IQSEC3: variants seen among roughly 807,000 people sequenced by gnomAD.
IQSEC3 encodes the protein IQ motif and Sec7 domain ArfGEF 3.
A neutral mutation model predicts 105.4 loss-of-function variants in IQSEC3; 50 were observed. That is an observed-to-expected ratio of 0.47 (90% CI 0.38 to 0.60). IQSEC3 has a LOEUF of 0.60. Ranked by LOEUF, IQSEC3 falls within the 20% of genes least tolerant of loss-of-function variation. The pLI is 0.00. For synonymous variants in IQSEC3, 708 were observed against 746.0 expected (o/e 0.95, Z 0.83); for missense variants, 1,415 against 1,630.0 (o/e 0.87, Z 2.27).
chr12:164,180 G>T (rs1555097445), intron 9 of IQSEC3, among the ~76,000 whole-genome samples: 1 of 152,214 alleles, frequency 6.6e-6, no homozygotes, highest in African/African-American at 2.4e-5. Context: ...CAGGACTGGA[G>T]CAGGGCTTGT....
chr12:135,390 C>CA (rs1291599164), intron 3 of IQSEC3, among the ~76,000 whole-genome samples: 2 of 152,176 alleles, frequency 1.3e-5, no homozygotes, highest in Non-Finnish European at 2.9e-5. Context: ...GCCTCAGAGG[C>CA]AAGTATCTGT....
chr12:155,280 C>A (rs1866647696), intron 5 of IQSEC3, among the ~76,000 whole-genome samples: 1 of 152,258 alleles, frequency 6.6e-6, no homozygotes, highest in African/African-American at 2.4e-5. Flanking sequence ...GCTGCCGATT[C>A]TCATGCTTGG....
chr12:144,423 G>C (rs1324618546), intron 5 of IQSEC3: 1 of 152,300 alleles, frequency 6.6e-6, no homozygotes, highest in South Asian at 2.1e-4. Flanking sequence ...GTACAAAGCT[G>C]TTTGCCGAAT....
chr12:165,547 A>G lies in IQSEC3; in HGVS notation c.2809+14A>G, dbSNP rs782805449. 6.2e-7 allele frequency: 1 copy of G among 1,608,078 alleles called. No homozygotes were observed. On this transcript the variant is annotated intron_variant, in intron 10 of 13. Coordinates refer to ENST00000538872, the MANE Select transcript of IQSEC3 (RefSeq NM_001170738.2). ...TTGAGAACGAGTGTAAGTCTTTGAC[A>G]GCCAGTGTAAGTCTTTGAGAAGGAA...
intron 3 of IQSEC3, among the ~76,000 whole-genome samples, chr12:130,816 C>T (rs1865563008): frequency 6.6e-6 from 1 of 152,240 alleles, no homozygotes; most frequent in South Asian, 2.1e-4. Context: ...CTGTGGGCCT[C>T]TCTGAACACC....
intron 2 of IQSEC3, among the ~76,000 whole-genome samples, chr12:107,402 C>CTTTTTTTTTTTTTTTTTTTTTTT (rs58053657): frequency 1.3e-5 from 1 of 75,986 alleles, no homozygotes; most frequent in Non-Finnish European, 2.3e-5. Flanking sequence ...AGTCTGTTTT[C>CTTTTTTTTTTTTTTTTTTTTTTT]TTTTTTTTTT....
At chr12:113,329 T>C (rs1199072685) in intron 2 of IQSEC3, among the ~76,000 whole-genome samples, 3 of 152,244 alleles carry the variant, frequency 2.0e-5, no homozygotes, top group African/African-American at 7.2e-5. Flanking sequence ...AGAATCACTG[T>C]GTCCATTTTA....
rs1296785393 is a variant in IQSEC3, at chr12:66,837, C to G, written c.-46C>G. ...TGGGCTCCCGCGCCCTCGCGCTCCC[C>G]GCCGCCAGCCCAGGCGCAGGCAGGG... On this transcript the variant is annotated 5_prime_UTR_variant, in exon 1 of 14. Transcript: ENST00000538872. 2 of 1,337,798 alleles carry G rather than the reference C, an allele frequency of 1.5e-6. No individual in the cohort carries two copies. Among genetic ancestry groups the G allele is most frequent in the Non-Finnish European group, 1.9e-6 (2 of 1,050,840 alleles). 82.9% of individuals were successfully genotyped at this position (1,337,798 alleles called of 1,614,324 possible). A position where few individuals can be genotyped will look rare whatever the true frequency, so the allele number is the denominator to read the frequency against.
intron 2 of IQSEC3, among the ~76,000 whole-genome samples, chr12:108,343 T>C (rs1591662845): frequency 6.6e-6 from 1 of 152,234 alleles, no homozygotes. Flanking sequence ...TTCTTGGCCT[T>C]ATATGAGCTT....
At chr12:135,365 G>A (rs1865729011) in intron 3 of IQSEC3, among the ~76,000 whole-genome samples, 1 of 152,178 alleles carries the variant, frequency 6.6e-6, no homozygotes, top group African/African-American at 2.4e-5. Flanking sequence ...ATTTCCACAG[G>A]AGCAGGAACA....
At chr12:105,524 C>T (rs1401595730) in intron 2 of IQSEC3, among the ~76,000 whole-genome samples, 1 of 152,138 alleles carries the variant, frequency 6.6e-6, no homozygotes, top group African/African-American at 2.4e-5. Flanking sequence ...GGCTCCATGC[C>T]CAGGAAGATG....
At chr12:172,473 C>T (rs1216404855) in intron 13 of IQSEC3, among the ~76,000 whole-genome samples, 2 of 152,182 alleles carry the variant, frequency 1.3e-5, no homozygotes, top group Non-Finnish European at 1.5e-5. Flanking sequence ...ACCAACCCCA[C>T]GCACTCCTCC....
chr12:171,898 A>G (rs1555100454), intron 13 of IQSEC3, among the ~76,000 whole-genome samples: 2 of 152,070 alleles, frequency 1.3e-5, no homozygotes, highest in Admixed American at 6.5e-5. Flanking sequence ...GGGACTGCAG[A>G]AGACCCAGCA....
chr12:164,023 G>GGT (rs375750823), intron 9 of IQSEC3, among the ~76,000 whole-genome samples: 4 of 152,162 alleles, frequency 2.6e-5, no homozygotes, highest in East Asian at 3.9e-4. Context: ...AGGCGAGGCT[G>GGT]GTGTGTGTGT....
chr12:102,813 G>A (rs929992420), intron 2 of IQSEC3, among the ~76,000 whole-genome samples: 8 of 152,214 alleles, frequency 5.3e-5, no homozygotes, highest in Non-Finnish European at 1.2e-4. Context: ...AAGGGAGGGC[G>A]TCAGCGATCT....
chr12:87,246 G>A, intron 1 of IQSEC3, among the ~76,000 whole-genome samples: 1 of 152,078 alleles, frequency 6.6e-6, no homozygotes, highest in East Asian at 1.9e-4. Flanking sequence ...GGGGATGGCT[G>A]TTTGTTCCTT....
In IQSEC3 at chr12:138,241, C is replaced by G; in HGVS notation, c.904-26C>G. 6.3e-7 allele frequency: 1 copy of G among 1,581,624 alleles called. No homozygotes were observed. The highest frequency in any genetic ancestry group is 2.2e-5 in the East Asian group (1 of 44,506). ...GACCACCCTTCCCCTCTGAGCCCTT[C>G]CTCCTCTCTGTCCTCGTCCTTGCAG... is the stretch of plus-strand genomic sequence containing the variant. On this transcript the variant is annotated intron_variant, in intron 3 of 13. Coordinates refer to ENST00000538872, the MANE Select transcript of IQSEC3 (RefSeq NM_001170738.2). This position sits in a 1 kb window ranked among gnomAD's most constrained non-coding sequence, Gnocchi z 7.1.
At chr12:79,364 ACCTGT>A (rs1863668128) in intron 1 of IQSEC3, among the ~76,000 whole-genome samples, 1 of 152,156 alleles carries the variant, frequency 6.6e-6, no homozygotes, top group African/African-American at 2.4e-5. Flanking sequence ...GCTTCTGGCC[ACCTGT>A]ACTTGTACAG....
rs1413852473 is a variant in IQSEC3 at position 160,148 on chromosome 12, CTCTATT to C, written c.2444-1774_2444-1769del. Reference sequence around the variant, plus strand: ...TTTGTTTGTTTTTCTCTCTGTTTGCCTCTATTTCTTCTGGAGTCCTTTTTTCTGTTT... The same window carrying C: ...TTTGTTTGTTTTTCTCTCTGTTTGCCTCTTCTGGAGTCCTTTTTTCTGTTT... On this transcript the variant is annotated intron_variant, in intron 7 of 13. Transcript: ENST00000538872. Among the ~76,000 whole-genome samples the C allele has an allele frequency of 2.7e-5, 4 of 150,290 alleles. 1 individual carries two copies. The South Asian group carries it at 8.5e-4, about 32-fold the overall frequency.
Sources: gnomAD v4.1 joint callset for allele counts (sites outside exome capture counted in the v4.1 genomes callset) on GRCh38, gnomAD v4.1.1 for gene constraint, Gnocchi (gnomAD v3.1) non-coding constraint, MANE v1.5 for transcripts, NCBI Gene and HGNC (gene_info 2026-07-23, HGNC 2026-07-21) for gene names.